Variants in SLC30A4 observed in about 807,000 individuals in gnomAD.
SLC30A4 encodes solute carrier family 30 member 4.
In SLC30A4, 20 loss-of-function variants were observed where a neutral mutation model predicts 41.7. The observed-to-expected ratio is 0.48, with a 90% CI of 0.34 to 0.70. SLC30A4 has a LOEUF of 0.70. Among genes scored for constraint, SLC30A4 ranks in the 30% least tolerant of loss-of-function variants. The probability of loss-of-function intolerance (pLI) is 0.01; values close to 1 mark genes in which losing one functional copy is unlikely to be tolerated. For missense variants in SLC30A4, 441 were observed against 529.3 expected (o/e 0.83, Z 1.64); for synonymous variants, 181 against 195.9 (o/e 0.92, Z 0.64).
intron 3 of SLC30A4, among the ~76,000 whole-genome samples, chr15:45,508,463 G>A (rs945671345): frequency 6.6e-6 from 1 of 152,118 alleles, no homozygotes; most frequent in South Asian, 2.1e-4. Context: ...TCTCATTTCT[G>A]CTCATCTCTG....
intron 3 of SLC30A4, among the ~76,000 whole-genome samples, chr15:45,494,267 T>C (rs942950074): frequency 1.3e-5 from 2 of 152,136 alleles, no homozygotes; most frequent in Non-Finnish European, 2.9e-5. Context: ...TAATAGGTTA[T>C]TACTTAATAC....
At chr15:45,513,295 T>G (rs1482258775) in intron 2 of SLC30A4, among the ~76,000 whole-genome samples, 1 of 148,976 alleles carries the variant, frequency 6.7e-6, no homozygotes, top group Non-Finnish European at 1.5e-5. Flanking sequence ...AGCCTCAACC[T>G]CCTGTGTTCA....
At chr15:45,494,629 G>A (rs1025285545) in intron 3 of SLC30A4, among the ~76,000 whole-genome samples, 3 of 152,202 alleles carry the variant, frequency 2.0e-5, no homozygotes, top group Non-Finnish European at 4.4e-5. Context: ...AGGTTGCAGT[G>A]AGCTGAGATC....
At chr15:45,486,794 G>A (rs746758035) in intron 6 of SLC30A4, 49 bp from the exon 7 acceptor site, 7 of 1,113,434 alleles carry the variant, frequency 6.3e-6, no homozygotes, top group Admixed American at 2.8e-5. Context: ...GGAAATAAAG[G>A]AACTTTTACA....
chr15:45,519,191 C>T (rs1412073684), intron 2 of SLC30A4: 1 of 151,974 alleles, frequency 6.6e-6, no homozygotes, highest in African/African-American at 2.4e-5. Flanking sequence ...CAAATTGCTT[C>T]ATTTTTTATT....
chr15:45,512,518 A>G (rs1241064665), intron 2 of SLC30A4: 1 of 152,158 alleles, frequency 6.6e-6, no homozygotes, highest in Non-Finnish European at 1.5e-5. Context: ...GCAGGAGACT[A>G]GGGGCTGATG....
At chr15:45,514,537 CAG>C (rs1491333235) in intron 2 of SLC30A4, among the ~76,000 whole-genome samples, 6 of 116,302 alleles carry the variant, frequency 5.2e-5, no homozygotes, top group Admixed American at 2.1e-4. Context: ...TTTTTTGAGA[CAG>C]AGTCTCACTC....
intron 4 of SLC30A4, among the ~76,000 whole-genome samples, chr15:45,490,032 GA>G (rs1029516415): frequency 6.6e-6 from 1 of 151,862 alleles, no homozygotes; most frequent in Admixed American, 6.6e-5. Flanking sequence ...GCCTTTTACA[GA>G]AAAAAAATTG....
Position 45,522,180 on chromosome 15 carries a change from C to T in SLC30A4, c.175G>A (p.Glu59Lys). Reference protein sequence around the residue: ...VVADDGSEAPERPVNGAHPTL... With the variant: ...VVADDGSEAPKRPVNGAHPTL... ...GGGTGCGCCCCGTTAACAGGCCTTT[C>T]CGGGGCTTCGGAACCGTCATCGGCC... The change falls in exon 2 of 8, where the codon GAA becomes AAA. Residue 59 changes from glutamate to lysine, a missense_variant. Around this residue, in one of 3 missense-constraint regions of SLC30A4, gnomAD observed 312 missense variants for 341.9 expected, o/e 0.91. Coordinates refer to ENST00000261867, the MANE Select transcript of SLC30A4 (RefSeq NM_013309.6). The T allele has an allele frequency of 1.2e-6, 2 of 1,614,236 alleles. No individual in the cohort carries two copies. The highest frequency in any genetic ancestry group is 2.2e-5 in the South Asian group (2 of 91,086).
intron 2 of SLC30A4, chr15:45,521,131 G>T (rs2140866846): frequency 2.6e-6 from 1 of 384,728 alleles, no homozygotes; most frequent in Non-Finnish European, 5.3e-6. Context: ...GAGATGACAT[G>T]TAAGAATCAT....
intron 3 of SLC30A4, among the ~76,000 whole-genome samples, chr15:45,505,280 C>A (rs1296926441): frequency 2.8e-5 from 4 of 143,768 alleles, no homozygotes; most frequent in African/African-American, 1.0e-4. Context: ...AAAAAGGCTA[C>A]AATCAATAGT....
chr15:45,512,552 C>T (rs906587292), intron 2 of SLC30A4: 1 of 152,038 alleles, frequency 6.6e-6, no homozygotes, highest in Non-Finnish European at 1.5e-5. Flanking sequence ...ATCCATTTAC[C>T]CCAGAGTGCT....
chr15:45,521,247 C>G (rs546146572), intron 2 of SLC30A4, among the ~76,000 whole-genome samples: 5 of 152,114 alleles, frequency 3.3e-5, no homozygotes, highest in African/African-American at 9.7e-5. Flanking sequence ...ATATTGAGAA[C>G]GGATTGTTCG....
intron 2 of SLC30A4, among the ~76,000 whole-genome samples, chr15:45,518,815 C>T (rs985144900): frequency 3.9e-5 from 6 of 152,050 alleles, no homozygotes; most frequent in Non-Finnish European, 8.8e-5. Flanking sequence ...TCCTCAGGCT[C>T]CCAACGTGCT....
intron 3 of SLC30A4, among the ~76,000 whole-genome samples, chr15:45,501,059 G>A (rs112506867): frequency 0.035 from 5,319 of 149,968 alleles, 138 homozygotes; most frequent in Non-Finnish European, 0.052. Flanking sequence ...TGTAATCCCA[G>A]CACTTTGGGA....
At chr15:45,520,778 T>C (rs756492261) in intron 2 of SLC30A4, 3 of 238,760 alleles carry the variant, frequency 1.3e-5, no homozygotes, top group African/African-American at 2.3e-5. Flanking sequence ...GTTTCAGTTA[T>C]ACATATATTT....
In SLC30A4 at chr15:45,522,461, TC is replaced by T; in HGVS notation, c.-108del. ...TCTCGAGGGCAGTGCCGCGCGTCCC[TC>T]CCCATCCTGTGGAAAACGAAACACG... On this transcript the variant is annotated 5_prime_UTR_variant, in exon 2 of 8. The change creates a premature stop within an existing upstream ORF in the 5' untranslated region. Transcript: ENST00000261867. 9.3e-7 allele frequency: 1 copy of T among 1,070,862 alleles called. No homozygotes were observed. The highest frequency in any genetic ancestry group is 1.3e-6 in the Non-Finnish European group (1 of 761,696). 66.3% of individuals were successfully genotyped at this position (1,070,862 alleles called of 1,614,324 possible). A position where few individuals can be genotyped will look rare whatever the true frequency, so the allele number is the denominator to read the frequency against.
intron 3 of SLC30A4, among the ~76,000 whole-genome samples, chr15:45,501,494 G>T (rs548423530): frequency 3.9e-5 from 6 of 151,952 alleles, no homozygotes; most frequent in Non-Finnish European, 8.8e-5. Flanking sequence ...GCCTGAATAC[G>T]CAAATTTATG....
intron 3 of SLC30A4, among the ~76,000 whole-genome samples, chr15:45,497,453 A>C (rs982253260): frequency 2.6e-5 from 4 of 152,194 alleles, no homozygotes; most frequent in African/African-American, 9.7e-5. Flanking sequence ...CTGGAGCATG[A>C]GAGGAGGGAG....
Sources: gnomAD v4.1 joint callset for allele counts (sites outside exome capture counted in the v4.1 genomes callset) on GRCh38, gnomAD v4.1.1 for gene constraint, gnomAD v4.1.1 regional missense constraint, MANE v1.5 for transcripts, NCBI Gene and HGNC (gene_info 2026-07-23, HGNC 2026-07-21) for gene names.